The following GDF7 variants were observed in gnomAD, a reference collection of about 807,000 sequenced individuals.
The protein encoded by GDF7 is growth differentiation factor 7.
A neutral mutation model predicts 13.4 loss-of-function variants in GDF7; 12 were observed. That is an observed-to-expected ratio of 0.90 (90% CI 0.57 to 1.45). GDF7 has a LOEUF of 1.45. Among genes scored for constraint, GDF7 ranks in the 40% most tolerant of loss-of-function variants. The pLI is 0.00. For missense variants in GDF7, 651 were observed against 652.4 expected, an observed-to-expected ratio of 1.00 and a Z score of 0.02; for synonymous variants, 330 against 306.4, an observed-to-expected ratio of 1.08 and a Z score of -0.80.
At position 20,667,676 on chromosome 2, in the gene GDF7, C is replaced by T. The variant is rs762476725; in HGVS notation, c.391+46C>T. The T allele has an allele frequency of 4.9e-5, 64 of 1,318,418 alleles. No individual in the cohort carries two copies. Among genetic ancestry groups the T allele is most frequent in the Non-Finnish European group, 5.9e-5 (61 of 1,031,190 alleles). The allele number at this position is 1,318,418 out of a possible 1,614,324, so 81.7% of individuals were successfully genotyped here. ...CCCGCCCATCCCGTCAGGTCCTGGG[C>T]TGAGACCAGCCCCGGAGCCGTGCCG... is the stretch of plus-strand genomic sequence containing the variant. On this transcript the variant is annotated intron_variant, in intron 1 of 1. Transcript: ENST00000272224. The surrounding 1 kb of genome is among the most constrained non-coding windows in gnomAD (Gnocchi z 6.4).
chr2:20,670,733 C>G lies in GDF7; in HGVS notation c.661C>G (p.Arg221Gly), dbSNP rs1056826451. The G allele has an allele frequency of 6.8e-6, 10 of 1,478,098 alleles. No individual in the cohort carries two copies. The highest frequency in any genetic ancestry group is 4.4e-5 in the African/African-American group (3 of 68,660). The allele number at this position is 1,478,098 out of a possible 1,614,324, so 91.6% of individuals were successfully genotyped here. The change falls in exon 2 of 2, where the codon CGT becomes GGT. Residue 221 changes from arginine to glycine, a missense_variant. By Grantham distance (125) the Arg-to-Gly change is moderately radical. This residue lies in a region of GDF7 where 487 missense variants were observed against 445.9 expected (regional missense o/e 1.09). Coordinates refer to ENST00000272224, the MANE Select transcript of GDF7 (RefSeq NM_182828.4). ...CGTGGCGGACGCCATGAGGCGCCAC[C>G]GTCGTGAACCGCGCCCCCCCCGCGC... ...FDVADAMRRH[R>G]REPRPPRAFC...
At chr2:20,668,952 T>TCTAAGTGGGCA (rs1011431841) in intron 1 of GDF7, among the ~76,000 whole-genome samples, 1 of 151,806 alleles carries the variant, frequency 6.6e-6, no homozygotes, top group African/African-American at 2.4e-5. Flanking sequence ...TGTGCTGGGC[T>TCTAAGTGGGCA]CTAAGTGGGC....
rs1695984694 is a variant in GDF7, at chr2:20,667,419, G to A, written c.180G>A (p.Ala60=). 8 of 937,046 alleles carry A rather than the reference G, an allele frequency of 8.5e-6. No homozygotes were observed. In the East Asian group the frequency reaches 6.1e-4, roughly 72 times the overall value. 58.0% of individuals were successfully genotyped at this position (937,046 alleles called of 1,614,324 possible). A position where few individuals can be genotyped will look rare whatever the true frequency, so the allele number is the denominator to read the frequency against. ...GRTLAQAAGA[A]AVPAAAVPRA... is the part of the protein sequence containing the mutation. ...CTCTTGCCCAGGCTGCGGGCGCCGC[G>A]GCTGTCCCGGCCGCCGCGGTTCCCC... Residue 60 remains alanine, a synonymous_variant, in exon 1 of 2, where the codon GCG becomes GCA. Coordinates refer to ENST00000272224, the MANE Select transcript of GDF7 (RefSeq NM_182828.4). This position sits in a 1 kb window ranked among gnomAD's most constrained non-coding sequence, Gnocchi z 6.4.
At position 20,678,197 on chromosome 2, in the gene GDF7, A is replaced by C. The variant is rs903925721; in HGVS notation, c.*6772A>C. 2 of 152,246 alleles carry C rather than the reference A, an allele frequency of 1.3e-5. No individual in the cohort carries two copies. The highest frequency in any genetic ancestry group is 2.9e-5 in the Non-Finnish European group (2 of 68,038). The allele number at this position is 152,246 out of a possible 1,614,324, so 9.4% of individuals were successfully genotyped here. A position where few individuals can be genotyped will look rare whatever the true frequency, so the allele number is the denominator to read the frequency against. On this transcript the variant is annotated 3_prime_UTR_variant, in exon 2 of 2. Coordinates refer to ENST00000272224, the MANE Select transcript of GDF7 (RefSeq NM_182828.4). ...TTCTAAGCCAGGAACAGAGACTCTC[A>C]AGAGAGGAATTCTCTGGCATTCTCT... is the stretch of plus-strand genomic sequence containing the variant.
At position 20,667,181 on chromosome 2, in the gene GDF7, C is replaced by A. The variant is rs1296733682; in HGVS notation, c.-59C>A. 2 of 1,092,914 alleles carry A rather than the reference C, an allele frequency of 1.8e-6. No individual in the cohort carries two copies. Among genetic ancestry groups the A allele is most frequent in the Admixed American group, 5.4e-5 (1 of 18,474 alleles). The allele number at this position is 1,092,914 out of a possible 1,614,324, so 67.7% of individuals were successfully genotyped here. A position where few individuals can be genotyped will look rare whatever the true frequency, so the allele number is the denominator to read the frequency against. On this transcript the variant is annotated 5_prime_UTR_variant, in exon 1 of 2. Transcript: ENST00000272224. This position sits in a 1 kb window ranked among gnomAD's most constrained non-coding sequence, Gnocchi z 6.4. ...ATTAAACACTATGTTCAAAAGGCGC[C>A]GGGGGACTTCCCGGAGCCACGGAGC... is the stretch of plus-strand genomic sequence containing the variant.
Position 20,667,657 on chromosome 2 carries a change from C to T in GDF7, c.391+27C>T, listed in dbSNP as rs1695991069. On this transcript the variant is annotated intron_variant, in intron 1 of 1. Transcript: ENST00000272224. This position sits in a 1 kb window ranked among gnomAD's most constrained non-coding sequence, Gnocchi z 6.4. ...TACTTACGCCTCTTCTGTGCCCGCC[C>T]ATCCCGTCAGGTCCTGGGCTGAGAC... 4 of 1,386,248 alleles carry T rather than the reference C, an allele frequency of 2.9e-6. No individual in the cohort carries two copies. Among genetic ancestry groups the T allele is most frequent in the Non-Finnish European group, 3.7e-6 (4 of 1,072,330 alleles). 85.9% of individuals were successfully genotyped at this position (1,386,248 alleles called of 1,614,324 possible).
chr2:20,670,545 AGCTGCGCGT>A lies in GDF7; in HGVS notation c.481_489del (p.Val161_Arg163del). On this transcript the variant is annotated inframe_deletion, in exon 2 of 2. Transcript: ENST00000272224. Reference sequence around the variant, plus strand: ...GACGCAGACGAGGTGGTGGGTGCCGAGCTGCGCGTGCTGCGCCGGGGATCTCCAGAGTCG... The same window carrying A: ...GACGCAGACGAGGTGGTGGGTGCCGAGCTGCGCCGGGGATCTCCAGAGTCG... 1 of 1,605,404 alleles carries A rather than the reference AGCTGCGCGT, an allele frequency of 6.2e-7. No homozygotes were observed.
At chr2:20,670,329 G>C in intron 1 of GDF7, 135 bp from the exon 2 acceptor site, 1 of 983,474 alleles carries the variant, frequency 1.0e-6, no homozygotes, top group Non-Finnish European at 1.4e-6. Flanking sequence ...CGCGGAGTCG[G>C]GCGCTGGCTC....
In GDF7 at chr2:20,679,149, T is replaced by C. The variant is rs551877074; in HGVS notation, c.*7724T>C. 2 of 152,380 alleles carry C rather than the reference T, an allele frequency of 1.3e-5. No homozygotes were observed. Among genetic ancestry groups the C allele is most frequent in the East Asian group, 3.9e-4 (2 of 5,190 alleles). The allele number at this position is 152,380 out of a possible 1,614,324, so 9.4% of individuals were successfully genotyped here. A position where few individuals can be genotyped will look rare whatever the true frequency, so the allele number is the denominator to read the frequency against. On this transcript the variant is annotated 3_prime_UTR_variant, in exon 2 of 2. Transcript: ENST00000272224. The stretch of plus-strand genomic sequence containing the variant: ...ATCTCTATTTTTCTTAACTATTATA[T>C]AGCAGTATATATTTGTTGAACATGC...
chr2:20,671,864 G>A lies in GDF7; in HGVS notation c.*439G>A, dbSNP rs1662132720. ...CCTTTTGTTTCTGGCCCGATGTGGG[G>A]CATCGCTTCCCTGGGGGGCTGAGCG... On this transcript the variant is annotated 3_prime_UTR_variant, in exon 2 of 2. Coordinates refer to ENST00000272224, the MANE Select transcript of GDF7 (RefSeq NM_182828.4). 1 of 198,750 alleles carries A rather than the reference G, an allele frequency of 5.0e-6. No homozygotes were observed. Among genetic ancestry groups the A allele is most frequent in the Non-Finnish European group, 1.0e-5 (1 of 97,406 alleles). 12.3% of individuals were successfully genotyped at this position (198,750 alleles called of 1,614,324 possible). A position where few individuals can be genotyped will look rare whatever the true frequency, so the allele number is the denominator to read the frequency against.
At chr2:20,669,442 C>T (rs1389728479) in intron 1 of GDF7, among the ~76,000 whole-genome samples, 1 of 78,404 alleles carries the variant, frequency 1.3e-5, no homozygotes. Context: ...TTTTCTGAGC[C>T]CAAAAAGGAA....
Position 20,670,889 on chromosome 2 carries a change from C to G in GDF7, c.817C>G (p.Arg273Gly). The change falls in exon 2 of 2, where the codon CGC (arginine) becomes GGC (glycine). Residue 273 changes from arginine to glycine, a missense_variant. Transcript: ENST00000272224. The stretch of plus-strand genomic sequence containing the variant: ...GCGCGCGGTGCTAGTCGTCTCCTCC[C>G]GCACGCAGAGGAAAGAGAGCTTATT... ...EERAVLVVSSRTQRKESLFRE... is the reference protein window; with the variant it reads ...EERAVLVVSSGTQRKESLFRE... 1.3e-6 allele frequency: 2 copies of G among 1,548,870 alleles called. No homozygotes were observed. The highest frequency in any genetic ancestry group is 1.2e-5 in the South Asian group (1 of 84,690).
Position 20,678,282 on chromosome 2 carries a change from T to C in GDF7, c.*6857T>C, listed in dbSNP as rs1316381655. 3 of 152,262 alleles carry C rather than the reference T, an allele frequency of 2.0e-5. No individual in the cohort carries two copies. The highest frequency in any genetic ancestry group is 6.5e-5 in the Admixed American group (1 of 15,294). The allele number at this position is 152,262 out of a possible 1,614,324, so 9.4% of individuals were successfully genotyped here. A position where few individuals can be genotyped will look rare whatever the true frequency, so the allele number is the denominator to read the frequency against. On this transcript the variant is annotated 3_prime_UTR_variant, in exon 2 of 2. Transcript: ENST00000272224. ...CTTAGAATAATTTTATTTTTGTATT[T>C]CACTTTACACTGTAATGCAAACAGC...
chr2:20,670,524 C>A lies in GDF7; in HGVS notation c.452C>A (p.Ala151Glu). The A allele has an allele frequency of 6.3e-7, 1 of 1,599,410 alleles. No homozygotes were observed. The highest frequency in any genetic ancestry group is 1.1e-5 in the South Asian group (1 of 88,444). ...FLFDVSSLND[A>E]DEVVGAELRV... ...TTCGACGTGTCCAGCCTTAACGACG[C>A]AGACGAGGTGGTGGGTGCCGAGCTG... is the stretch of plus-strand genomic sequence containing the variant. Residue 151 changes from alanine (A) to glutamate (E), a missense_variant, in exon 2 of 2, where the codon GCA becomes GAA. By Grantham distance (107) the Ala-to-Glu change is moderately radical. Transcript: ENST00000272224.
rs1572380538 is a variant in GDF7, at chr2:20,671,469, A to T, written c.*44A>T. 1 of 1,581,176 alleles carries T rather than the reference A, an allele frequency of 6.3e-7. No individual in the cohort carries two copies. Among genetic ancestry groups the T allele is most frequent in the Middle Eastern group, 1.7e-4 (1 of 5,798 alleles). The stretch of plus-strand genomic sequence containing the variant: ...GGCAGCCACGCGGCCGAGGATCCCC[A>T]GCTGATGAGCAGCAGCGGGCCACCC... On this transcript the variant is annotated 3_prime_UTR_variant, in exon 2 of 2. Transcript: ENST00000272224.
In GDF7 at chr2:20,671,405, G is replaced by A. The variant is rs1474701171; in HGVS notation, c.1333G>A (p.Glu445Lys). 1 of 1,610,356 alleles carries A rather than the reference G, an allele frequency of 6.2e-7. No individual in the cohort carries two copies. Among genetic ancestry groups the A allele is most frequent in the African/African-American group, 1.3e-5 (1 of 74,750 alleles). Residue 445 changes from glutamate to lysine, a missense_variant, in exon 2 of 2, where the codon GAG (glutamate) becomes AAG (lysine). This residue lies in a region of GDF7 where 101 missense variants were observed against 139.2 expected (regional missense o/e 0.73). Transcript: ENST00000272224. ...VYKQYEDMVV[E>K]ACGCR ...CAAGCAATACGAGGACATGGTGGTG[G>A]AGGCCTGCGGCTGCAGGTAGCGCGA...
Position 20,670,570 on chromosome 2 carries a change from T to C in GDF7, c.498T>C (p.Ser166=). Residue 166 remains serine (S), a synonymous_variant, in exon 2 of 2, where the codon TCT becomes TCC. Coordinates refer to ENST00000272224, the MANE Select transcript of GDF7 (RefSeq NM_182828.4). Reference sequence around the variant, plus strand: ...AGCTGCGCGTGCTGCGCCGGGGATCTCCAGAGTCGGGCCCAGGCAGCTGGA... The same window carrying C: ...AGCTGCGCGTGCTGCGCCGGGGATCCCCAGAGTCGGGCCCAGGCAGCTGGA... ...GAELRVLRRG[S]PESGPGSWTS... The C allele has an allele frequency of 6.2e-7, 1 of 1,606,320 alleles. No individual in the cohort carries two copies. Among genetic ancestry groups the C allele is most frequent in the Non-Finnish European group, 8.5e-7 (1 of 1,177,626 alleles).
Position 20,672,127 on chromosome 2 carries a change from C to CCCCCTT in GDF7, c.*702_*703insCCCCTT, listed in dbSNP as rs1662138262. 1 of 112,448 alleles carries CCCCCTT rather than the reference C, an allele frequency of 8.9e-6. No homozygotes were observed. Among genetic ancestry groups the CCCCCTT allele is most frequent in the African/African-American group, 3.5e-5 (1 of 28,188 alleles). The allele number at this position is 112,448 out of a possible 1,614,324, so 7.0% of individuals were successfully genotyped here. On this transcript the variant is annotated 3_prime_UTR_variant, in exon 2 of 2. Coordinates refer to ENST00000272224, the MANE Select transcript of GDF7 (RefSeq NM_182828.4). ...CCGCCACCCCCCCCCCCCCCCCCGC[C>CCCCCTT]TTTTTTTTTTTTTTTTTTAATCAAT...
At chr2:20,670,334 T>C in intron 1 of GDF7, 130 bp from the exon 2 acceptor site, 1 of 1,038,056 alleles carries the variant, frequency 9.6e-7, no homozygotes, top group South Asian at 2.1e-5. Flanking sequence ...AGTCGGGCGC[T>C]GGCTCCAACA....
Sources: allele counts gnomAD v4.1 joint callset (sites outside exome capture counted in the v4.1 genomes callset), GRCh38; gene constraint gnomAD v4.1.1; regional missense constraint gnomAD v4.1.1; non-coding constraint Gnocchi (gnomAD v3.1); transcripts MANE v1.5; gene names NCBI Gene and HGNC (gene_info 2026-07-23, HGNC 2026-07-21).